Variants in RBMXL1 observed in about 807,000 individuals in gnomAD.
RBMXL1 encodes RNA binding motif protein, X-linked-like-1.
Under a neutral mutation model 29.0 loss-of-function variants are expected in RBMXL1, and 18 were observed. The ratio of observed to expected loss-of-function variants is 0.62; its 90% confidence interval spans 0.43 to 0.92. RBMXL1 has a LOEUF of 0.92. Among genes scored for constraint, RBMXL1 ranks in the 40% least tolerant of loss-of-function variants. The pLI, the probability that RBMXL1 is intolerant of heterozygous loss-of-function variation, is 0.00. For missense variants in RBMXL1, 403 were observed against 495.8 expected, an observed-to-expected ratio of 0.81 and a Z score of 1.78; for synonymous variants, 141 against 170.4, an observed-to-expected ratio of 0.83 and a Z score of 1.34.
Position 88,988,326 on chromosome 1 carries a change from A to T in RBMXL1, c.-315T>A. 1 of 1,613,240 alleles carries T rather than the reference A, an allele frequency of 6.2e-7. No individual in the cohort carries two copies. The highest frequency in any genetic ancestry group is 8.5e-7 in the Non-Finnish European group (1 of 1,179,484). On this transcript the variant is annotated 5_prime_UTR_variant, in exon 2 of 3. Coordinates refer to ENST00000652648, the MANE Select transcript of RBMXL1 (RefSeq NM_001162536.3). ...AATTTTGCTCTACCGCTAAGAGAGCAGAGGCTCCTCTGGGCCAAAAACATG... is the reference window on the plus strand; with the variant it reads ...AATTTTGCTCTACCGCTAAGAGAGCTGAGGCTCCTCTGGGCCAAAAACATG...
At chr1:88,988,526 T>C (rs1284793013) in intron 1 of RBMXL1, among the ~76,000 whole-genome samples, 175 bp from the exon 2 acceptor site, 1 of 152,234 alleles carries the variant, frequency 6.6e-6, no homozygotes, top group Admixed American at 6.5e-5. Context: ...CTCTCATCAC[T>C]GGAGGCATTC....
chr1:88,992,153 T>C (rs1181233236), intron 1 of RBMXL1, among the ~76,000 whole-genome samples: 1 of 152,122 alleles, frequency 6.6e-6, no homozygotes, highest in Non-Finnish European at 1.5e-5. Flanking sequence ...TAATTTTTTG[T>C]ATTTTTAGTA....
chr1:88,990,379 A>T (rs1452346854), intron 1 of RBMXL1, among the ~76,000 whole-genome samples: 1 of 152,092 alleles, frequency 6.6e-6, no homozygotes. Flanking sequence ...ACGCTCCTCA[A>T]CCCAGTGCAG....
intron 1 of RBMXL1, among the ~76,000 whole-genome samples, chr1:88,989,650 CAAGT>C (rs1677673439): frequency 2.0e-5 from 3 of 152,110 alleles, no homozygotes; most frequent in Admixed American, 2.0e-4. Flanking sequence ...ATAATAAAAG[CAAGT>C]AAGCTTGGAG....
intron 2 of RBMXL1, among the ~76,000 whole-genome samples, chr1:88,985,906 C>T (rs1167118797): frequency 6.6e-6 from 1 of 152,122 alleles, no homozygotes; most frequent in South Asian, 2.1e-4. Flanking sequence ...TTGGGCTGGA[C>T]GCAGTGACTC....
At chr1:88,984,238 G>A (rs1677308238) in intron 2 of RBMXL1, among the ~76,000 whole-genome samples, 172 bp from the exon 3 acceptor site, 1 of 103,494 alleles carries the variant, frequency 9.7e-6, no homozygotes, top group African/African-American at 3.8e-5. Context: ...TTTGTAGACA[G>A]GAGTCTCACA....
At chr1:88,984,121 G>C (rs1677291399) in intron 2 of RBMXL1, 55 bp from the exon 3 acceptor site, 1 of 442,168 alleles carries the variant, frequency 2.3e-6, no homozygotes, top group Non-Finnish European at 4.2e-6. Flanking sequence ...GTAAAGCAGG[G>C]AAAGATGCTT....
chr1:88,991,812 C>G (rs924094943), intron 1 of RBMXL1, among the ~76,000 whole-genome samples: 5 of 152,218 alleles, frequency 3.3e-5, no homozygotes, highest in Non-Finnish European at 7.3e-5. Context: ...GACCTGCAGC[C>G]CCAGTCCCCC....
intron 2 of RBMXL1, among the ~76,000 whole-genome samples, chr1:88,985,347 G>A (rs1290323510): frequency 6.6e-6 from 1 of 152,182 alleles, no homozygotes; most frequent in Non-Finnish European, 1.5e-5. Context: ...TGGACAGTCA[G>A]GCTGAACCAA....
Position 88,983,604 on chromosome 1 carries a change from C to T in RBMXL1, c.223G>A (p.Asp75Asn). ...AARDMNGKSL[D>N]GKAIKVEQAT... ...TGTTCCACCTTGATGGCTTTTCCAT[C>T]TAATGACTTTCCATTCATGTCTCTG... is the stretch of plus-strand genomic sequence containing the variant. Residue 75 changes from aspartate to asparagine, a missense_variant, in exon 3 of 3, where the codon GAT becomes AAT. By Grantham distance (23) the Asp-to-Asn change is conservative. Transcript: ENST00000652648. 4 of 1,614,160 alleles carry T rather than the reference C, an allele frequency of 2.5e-6. No homozygotes were observed. The highest frequency in any genetic ancestry group is 3.4e-6 in the Non-Finnish European group (4 of 1,180,046).
intron 2 of RBMXL1, among the ~76,000 whole-genome samples, chr1:88,987,598 T>G (rs187218544): frequency 6.6e-6 from 1 of 152,338 alleles, no homozygotes; most frequent in East Asian, 1.9e-4. Flanking sequence ...TATAAAACAC[T>G]CATATGCACA....
chr1:88,990,177 G>A (rs1677700542), intron 1 of RBMXL1, among the ~76,000 whole-genome samples: 1 of 151,810 alleles, frequency 6.6e-6, no homozygotes, highest in Non-Finnish European at 1.5e-5. Context: ...TCTCCTCCAC[G>A]ACTTAGATCT....
At chr1:88,984,602 G>C (rs918395444) in intron 2 of RBMXL1, among the ~76,000 whole-genome samples, 1 of 152,198 alleles carries the variant, frequency 6.6e-6, no homozygotes, top group Non-Finnish European at 1.5e-5. Flanking sequence ...AACATCTGTT[G>C]ACTGAACAGA....
Position 88,981,610 on chromosome 1 carries a change from T to G in RBMXL1, c.*1044A>C, listed in dbSNP as rs762527042. On this transcript the variant is annotated 3_prime_UTR_variant, in exon 3 of 3. Coordinates refer to ENST00000652648, the MANE Select transcript of RBMXL1 (RefSeq NM_001162536.3). ...TGCACCAAACCAATTCTGACAGCACTGCTTATGCAACTGCACTGACTTACC... is the reference window on the plus strand; with the variant it reads ...TGCACCAAACCAATTCTGACAGCACGGCTTATGCAACTGCACTGACTTACC... 6.3e-6 allele frequency: 1 copy of G among 159,260 alleles called. No homozygotes were observed. Among genetic ancestry groups the G allele is most frequent in the African/African-American group, 2.4e-5 (1 of 41,552 alleles). The allele number at this position is 159,260 out of a possible 1,614,324, so 9.9% of individuals were successfully genotyped here. A position where few individuals can be genotyped will look rare whatever the true frequency, so the allele number is the denominator to read the frequency against.
intron 2 of RBMXL1, among the ~76,000 whole-genome samples, chr1:88,984,811 C>CT (rs1207200597): frequency 1.3e-5 from 2 of 152,192 alleles, no homozygotes; most frequent in Non-Finnish European, 2.9e-5. Flanking sequence ...AATTCTGGTT[C>CT]TAGCATTTTG....
At chr1:88,984,204 CTTTTT>C (rs908183722) in intron 2 of RBMXL1, 138 bp from the exon 3 acceptor site, 130 of 81,722 alleles carry the variant, frequency 1.6e-3, no homozygotes, top group African/African-American at 3.1e-3. Flanking sequence ...TTTTTTGTTG[CTTTTT>C]TTTTTTTTTT....
At chr1:88,988,680 G>A (rs1339501557) in intron 1 of RBMXL1, among the ~76,000 whole-genome samples, 1 of 152,126 alleles carries the variant, frequency 6.6e-6, no homozygotes, top group Non-Finnish European at 1.5e-5. Context: ...ATTTCTAGCA[G>A]CTATAAAATC....
At chr1:88,988,613 A>T (rs1423772642) in intron 1 of RBMXL1, among the ~76,000 whole-genome samples, 1 of 152,200 alleles carries the variant, frequency 6.6e-6, no homozygotes, top group African/African-American at 2.4e-5. Flanking sequence ...ATTCTTAATT[A>T]AAAAAATAAG....
intron 1 of RBMXL1, among the ~76,000 whole-genome samples, chr1:88,989,313 T>G (rs1160554577): frequency 6.6e-6 from 1 of 152,164 alleles, no homozygotes; most frequent in Non-Finnish European, 1.5e-5. Context: ...GGGTTGGGTT[T>G]ATATAAGAAA....
Sources: gnomAD v4.1 joint callset for allele counts (sites outside exome capture counted in the v4.1 genomes callset) on GRCh38, gnomAD v4.1.1 for gene constraint, MANE v1.5 for transcripts, NCBI Gene and HGNC (gene_info 2026-07-23, HGNC 2026-07-21) for gene names.